The following MKX variants were observed in gnomAD, a reference collection of about 807,000 sequenced individuals.
MKX encodes the protein mohawk homeobox.
Under a neutral mutation model 36.0 loss-of-function variants are expected in MKX, and 13 were observed. The ratio of observed to expected loss-of-function variants is 0.36; its 90% CI spans 0.24 to 0.57. The LOEUF (loss-of-function observed/expected upper bound fraction) is 0.57, where lower values mean the gene tolerates loss of function less well. MKX is among the 20% of genes least tolerant of loss of function. The pLI is 0.79. For synonymous variants in MKX, 176 were observed against 178.3 expected (o/e 0.99, Z 0.10); for missense variants, 458 against 456.4 (o/e 1.00, Z -0.03).
Position 27,744,325 on chromosome 10 carries a change from G to A in MKX, c.-82-828C>T, listed in dbSNP as rs1168114780. Among the ~76,000 whole-genome samples the A allele has an allele frequency of 1.3e-5, 2 of 152,002 alleles. No homozygotes were observed. Among genetic ancestry groups the A allele is most frequent in the Admixed American group, 6.5e-5 (1 of 15,280 alleles). On this transcript the variant is annotated intron_variant, in intron 1 of 6. Coordinates refer to ENST00000419761, the MANE Select transcript of MKX (RefSeq NM_173576.3). The surrounding 1 kb of genome is among the most constrained non-coding windows in gnomAD (Gnocchi z 5.6). Reference sequence around the variant, plus strand: ...GTCAGCCGCGAGCTCGTAGCCCCTCGACACCCGCCTCTCTCTGGGGTCTCC... The same window carrying A: ...GTCAGCCGCGAGCTCGTAGCCCCTCAACACCCGCCTCTCTCTGGGGTCTCC...
intron 5 of MKX, among the ~76,000 whole-genome samples, chr10:27,711,091 T>C (rs983743437): frequency 3.3e-5 from 5 of 152,200 alleles, no homozygotes; most frequent in Admixed American, 6.5e-5. Flanking sequence ...AAGATGATAA[T>C]AATTTTTTTG....
At chr10:27,719,377 A>C (rs79947633) in intron 5 of MKX, among the ~76,000 whole-genome samples, 2,667 of 152,248 alleles carry the variant, frequency 0.018, 78 homozygotes, top group African/African-American at 0.061. Context: ...GAAAATTATC[A>C]GTTACGAGAC....
At chr10:27,681,138 T>C (rs1371375674) in intron 5 of MKX, among the ~76,000 whole-genome samples, 3 of 152,186 alleles carry the variant, frequency 2.0e-5, no homozygotes, top group Non-Finnish European at 4.4e-5. Context: ...GTATTTGTGG[T>C]GATGCTGGTG....
chr10:27,675,334 T>G lies in MKX; in HGVS notation c.954A>C (p.Ala318=). 6.2e-7 allele frequency: 1 copy of G among 1,614,230 alleles called. No individual in the cohort carries two copies. Among genetic ancestry groups the G allele is most frequent in the Non-Finnish European group, 8.5e-7 (1 of 1,180,030 alleles). ...INAAMALTNL[A]QGKDKLQGTT... ...TTCCCTGCAGTTTGTCCTTTCCCTG[T>G]GCAAGATTTGTTAAGGCCATAGCTG... Residue 318 remains alanine, a synonymous_variant, in exon 7 of 7, where the codon GCA becomes GCC. Transcript: ENST00000419761.
intron 5 of MKX, among the ~76,000 whole-genome samples, chr10:27,729,267 G>C (rs1464357435): frequency 6.7e-6 from 1 of 149,644 alleles, no homozygotes; most frequent in Non-Finnish European, 1.5e-5. Context: ...GGGGCTCATA[G>C]AGCAACCATT....
chr10:27,733,295 T>C (rs1452382965), intron 5 of MKX, among the ~76,000 whole-genome samples: 1 of 152,206 alleles, frequency 6.6e-6, no homozygotes, highest in Non-Finnish European at 1.5e-5. Context: ...GCTGGTGAAA[T>C]GATCTAAAGG....
Position 27,673,630 on chromosome 10 carries a change from AC to A in MKX, c.*1598del, listed in dbSNP as rs2132478627. ...GTTACTGCAAACAGCAATTTAGAAA[AC>A]AAAGTAAAAATATATATATATACAC... On this transcript the variant is annotated 3_prime_UTR_variant, in exon 7 of 7. Transcript: ENST00000419761. 1 of 150,254 alleles carries A rather than the reference AC, an allele frequency of 6.7e-6. No homozygotes were observed. Among genetic ancestry groups the A allele is most frequent in the Non-Finnish European group, 1.5e-5 (1 of 67,866 alleles). 9.3% of individuals were successfully genotyped at this position (150,254 alleles called of 1,614,324 possible). A position where few individuals can be genotyped will look rare whatever the true frequency, so the allele number is the denominator to read the frequency against.
chr10:27,713,234 C>T (rs1395654564), intron 5 of MKX, among the ~76,000 whole-genome samples: 1 of 152,158 alleles, frequency 6.6e-6, no homozygotes, highest in African/African-American at 2.4e-5. Flanking sequence ...AGTGTGCAAT[C>T]AAGTATTTAA....
At chr10:27,743,615 C>G in intron 1 of MKX, 118 bp from the exon 2 acceptor site, 1 of 564,616 alleles carries the variant, frequency 1.8e-6, no homozygotes, top group South Asian at 2.7e-5. Context: ...AGGAGCGGCG[C>G]CGCCGCAACT....
intron 5 of MKX, among the ~76,000 whole-genome samples, chr10:27,694,527 A>AAAAATATATATATATATATATATATAT (rs547670335): frequency 8.7e-6 from 1 of 114,340 alleles, no homozygotes; most frequent in African/African-American, 3.3e-5. Context: ...AAAAAAAAAA[A>AAAAATATATATATATATATATATATAT]ATATATATAT....
intron 5 of MKX, among the ~76,000 whole-genome samples, chr10:27,679,163 C>G (rs1015874117): frequency 1.1e-4 from 17 of 152,206 alleles, no homozygotes; most frequent in African/African-American, 4.1e-4. Flanking sequence ...GGAGAAATAC[C>G]TAATGTAAAT....
intron 4 of MKX, 59 bp from the exon 5 acceptor site, chr10:27,734,850 A>T (rs574772393): frequency 9.2e-7 from 1 of 1,089,150 alleles, no homozygotes; most frequent in South Asian, 2.0e-5. Flanking sequence ...CAGCCACCCA[A>T]CTCTTATATT....
rs966902386 is a variant in MKX at position 27,741,932 on chromosome 10, T to C, written c.189-428A>G. 1.3e-5 allele frequency among the ~76,000 whole-genome samples: 2 copies of C among 152,186 alleles called. No individual in the cohort carries two copies. The highest frequency in any genetic ancestry group is 1.5e-5 in the Non-Finnish European group (1 of 68,030). ...TCTCGAAACTTCCCTCGGGGATCTC[T>C]TGTCTGCTCCCAGAGGCTTTCCGTC... On this transcript the variant is annotated intron_variant, in intron 2 of 6. Coordinates refer to ENST00000419761, the MANE Select transcript of MKX (RefSeq NM_173576.3). The surrounding 1 kb of genome is among the most constrained non-coding windows in gnomAD (Gnocchi z 5.1).
In MKX at chr10:27,742,381, C is replaced by T. The variant is rs1283163016; in HGVS notation, c.188+847G>A. On this transcript the variant is annotated intron_variant, in intron 2 of 6. Transcript: ENST00000419761. This position sits in a 1 kb window ranked among gnomAD's most constrained non-coding sequence, Gnocchi z 4.2. Reference sequence around the variant, plus strand: ...TCCTGGGTTTCTGCCTCTTTAAACACTTTGAAATGCAATTCCACCCGAAAC... The same window carrying T: ...TCCTGGGTTTCTGCCTCTTTAAACATTTTGAAATGCAATTCCACCCGAAAC... Among the ~76,000 whole-genome samples the T allele has an allele frequency of 4.6e-5, 7 of 152,176 alleles. No homozygotes were observed. Among genetic ancestry groups the T allele is most frequent in the Non-Finnish European group, 1.0e-4 (7 of 68,020 alleles).
chr10:27,716,676 G>T (rs978947722), intron 5 of MKX, among the ~76,000 whole-genome samples: 1 of 151,936 alleles, frequency 6.6e-6, no homozygotes, highest in Non-Finnish European at 1.5e-5. Context: ...CATTTAAAGC[G>T]GTACATTTTT....
At chr10:27,732,311 A>C (rs1190237074) in intron 5 of MKX, among the ~76,000 whole-genome samples, 2 of 152,190 alleles carry the variant, frequency 1.3e-5, no homozygotes, top group African/African-American at 4.8e-5. Context: ...TTGACTAAAA[A>C]TCTTAATTTT....
Position 27,741,899 on chromosome 10 carries a change from C to T in MKX, c.189-395G>A, listed in dbSNP as rs913920656. Reference sequence around the variant, plus strand: ...GGCCTGGCAGGCCTGGCAGGGTATGCGGCTGGCTCTCGAAACTTCCCTCGG... The same window carrying T: ...GGCCTGGCAGGCCTGGCAGGGTATGTGGCTGGCTCTCGAAACTTCCCTCGG... On this transcript the variant is annotated intron_variant, in intron 2 of 6. Coordinates refer to ENST00000419761, the MANE Select transcript of MKX (RefSeq NM_173576.3). This position sits in a 1 kb window ranked among gnomAD's most constrained non-coding sequence, Gnocchi z 5.1. Among the ~76,000 whole-genome samples the T allele has an allele frequency of 1.3e-5, 2 of 152,184 alleles. No individual in the cohort carries two copies. Among genetic ancestry groups the T allele is most frequent in the African/African-American group, 2.4e-5 (1 of 41,452 alleles).
Position 27,675,244 on chromosome 10 carries a change from C to T in MKX, c.1044G>A (p.Leu348=). ...CAACAAGCTCTTAAAACTGCTGCAC[C>T]AGCGGCACTTTGACAGTCTTTACTT... The part of the protein sequence containing the change: ...IAEVKTVKVP[L]VQQF Residue 348 remains leucine, a synonymous_variant, in exon 7 of 7, where the codon CTG becomes CTA. Transcript: ENST00000419761. The T allele has an allele frequency of 1.2e-6, 2 of 1,613,730 alleles. No homozygotes were observed. Among genetic ancestry groups the T allele is most frequent in the Non-Finnish European group, 1.7e-6 (2 of 1,179,876 alleles).
chr10:27,686,240 T>A (rs1804943303), intron 5 of MKX, among the ~76,000 whole-genome samples: 1 of 152,110 alleles, frequency 6.6e-6, no homozygotes, highest in Non-Finnish European at 1.5e-5. Context: ...TCTTCATGGA[T>A]GGACCTAGTA....
Sources: gnomAD v4.1 joint callset for allele counts (sites outside exome capture counted in the v4.1 genomes callset) on GRCh38, gnomAD v4.1.1 for gene constraint, Gnocchi (gnomAD v3.1) non-coding constraint, MANE v1.5 for transcripts, NCBI Gene and HGNC (gene_info 2026-07-23, HGNC 2026-07-21) for gene names.